The following CIDEC variants were observed in gnomAD, a reference collection of about 807,000 sequenced individuals.
The protein encoded by CIDEC is lipid transferase CIDEC.
CIDEC carries 11 observed loss-of-function variants against 21.9 expected under a neutral mutation model. The observed-to-expected ratio is 0.50, with a 90% confidence interval of 0.32 to 0.83. The LOEUF is 0.83. Ranked by LOEUF, CIDEC falls within the 40% of genes least tolerant of loss-of-function variation. The probability of loss-of-function intolerance (pLI) is 0.04; values close to 1 mark genes in which losing one functional copy is unlikely to be tolerated. For synonymous variants in CIDEC, 127 were observed against 124.9 expected, an observed-to-expected ratio of 1.02 and a Z score of -0.11; for missense variants, 302 against 302.3, an observed-to-expected ratio of 1.00 and a Z score of 0.01.
intron 6 of CIDEC, 151 bp from the exon 7 acceptor site, chr3:9,867,447 C>T: frequency 1.3e-6 from 1 of 762,450 alleles, no homozygotes; most frequent in Non-Finnish European, 2.2e-6. Context: ...TGGCGAATCT[C>T]TGTCTCTACT....
At chr3:9,874,777 C>G (rs1476713415) in intron 4 of CIDEC, among the ~76,000 whole-genome samples, 1 of 152,218 alleles carries the variant, frequency 6.6e-6, no homozygotes, top group South Asian at 2.1e-4. Context: ...GTCACACAGG[C>G]TGCAGTGCAG....
At chr3:9,873,064 TGTTTGTTTTG>T (rs955972205) in intron 4 of CIDEC, among the ~76,000 whole-genome samples, 19 of 151,974 alleles carry the variant, frequency 1.3e-4, no homozygotes, top group South Asian at 4.1e-4. Flanking sequence ...GTTTTGGTTT[TGTTTGTTTTG>T]GTTTGTTTTG....
At chr3:9,869,401 C>T (rs1232516905) in intron 6 of CIDEC, among the ~76,000 whole-genome samples, 3 of 152,014 alleles carry the variant, frequency 2.0e-5, no homozygotes, top group African/African-American at 4.8e-5. Context: ...CAGGCATGCA[C>T]CACGATGTCC....
chr3:9,868,716 A>G (rs2082306023), intron 6 of CIDEC, among the ~76,000 whole-genome samples: 1 of 152,254 alleles, frequency 6.6e-6, no homozygotes. Context: ...ACTCTGGTCC[A>G]TAAGACTTGC....
intron 2 of CIDEC, 158 bp from the exon 3 acceptor site, chr3:9,878,669 G>T: frequency 1.5e-6 from 2 of 1,351,470 alleles, no homozygotes; most frequent in African/African-American, 1.4e-5. Context: ...CTCCTGTCCG[G>T]CCCCATGCAT....
chr3:9,877,050 G>A lies in CIDEC; in HGVS notation c.207+16C>T, dbSNP rs758723139. ...CCAGCTCACAGCTGGGCTGTGCAACGCGCAGGTGCTCTCACCTTGAGGAGG... is the reference window on the plus strand; with the variant it reads ...CCAGCTCACAGCTGGGCTGTGCAACACGCAGGTGCTCTCACCTTGAGGAGG... On this transcript the variant is annotated intron_variant, in intron 4 of 6. Transcript: ENST00000336832. The A allele has an allele frequency of 1.5e-5, 23 of 1,548,134 alleles. No homozygotes were observed. The highest frequency in any genetic ancestry group is 1.7e-5 in the Non-Finnish European group (20 of 1,143,594).
intron 3 of CIDEC, chr3:9,878,085 T>G (rs2082452277): frequency 1.2e-5 from 3 of 246,880 alleles, no homozygotes; most frequent in African/African-American, 6.6e-5. Flanking sequence ...ATTTGCTGGG[T>G]GATTGAGAGC....
At chr3:9,869,843 T>G in intron 6 of CIDEC, 39 bp downstream of exon 6, 1 of 1,596,192 alleles carries the variant, frequency 6.3e-7, no homozygotes, top group Non-Finnish European at 8.6e-7. Context: ...TCCCATTGCC[T>G]GTACCCACCC....
intron 3 of CIDEC, chr3:9,877,834 G>A (rs1240872330): frequency 2.4e-5 from 4 of 165,910 alleles, no homozygotes; most frequent in Admixed American, 1.7e-4. Context: ...TGTTGATAAC[G>A]CTGGTTCTCA....
chr3:9,871,820 A>T (rs1426577077), intron 4 of CIDEC, among the ~76,000 whole-genome samples: 1 of 151,328 alleles, frequency 6.6e-6, no homozygotes, highest in Non-Finnish European at 1.5e-5. Context: ...AGTAGATACA[A>T]GGTTTCTCTA....
chr3:9,869,375 T>C (rs1013540252), intron 6 of CIDEC, among the ~76,000 whole-genome samples: 4 of 151,976 alleles, frequency 2.6e-5, no homozygotes, highest in African/African-American at 9.7e-5. Flanking sequence ...TTCAGCCTCC[T>C]GAGTAGTTGG....
chr3:9,867,418 G>T, intron 6 of CIDEC, 122 bp from the exon 7 acceptor site: 1 of 950,834 alleles, frequency 1.1e-6, no homozygotes, highest in Non-Finnish European at 1.6e-6. Context: ...TCAGGAGTTT[G>T]AGACTAGCAT....
At chr3:9,878,776 C>G (rs906030680) in intron 2 of CIDEC, 166 bp downstream of exon 2, 29 of 1,536,138 alleles carry the variant, frequency 1.9e-5, no homozygotes, top group Non-Finnish European at 2.4e-5. Context: ...CAGTCCCACT[C>G]ACTCCATGTT....
chr3:9,872,376 T>C (rs1230332669), intron 4 of CIDEC, among the ~76,000 whole-genome samples: 2 of 151,906 alleles, frequency 1.3e-5, no homozygotes, highest in Non-Finnish European at 2.9e-5. Context: ...GGTTTTGCCA[T>C]GTTACCCAGG....
At chr3:9,879,161 A>T (rs1020438557) in intron 1 of CIDEC, 107 bp from the exon 2 acceptor site, 6 of 145,468 alleles carry the variant, frequency 4.1e-5, no homozygotes, top group Admixed American at 7.0e-5. Context: ...CAGGAGCTGA[A>T]TTTTTTTTTT....
intron 4 of CIDEC, among the ~76,000 whole-genome samples, chr3:9,875,805 T>C (rs546327526): frequency 1.3e-5 from 2 of 152,362 alleles, no homozygotes; most frequent in Admixed American, 1.3e-4. Flanking sequence ...ATTTGTACTG[T>C]GTAACTTTTG....
chr3:9,878,824 C>G, intron 2 of CIDEC, 118 bp downstream of exon 2: 1 of 1,536,050 alleles, frequency 6.5e-7, no homozygotes, highest in African/African-American at 1.4e-5. Flanking sequence ...AGCAGATAAC[C>G]CAACTCAGGG....
rs200501707 is a variant in CIDEC, at chr3:9,870,221, C to G, written c.309G>C (p.Gly103=). 1 of 1,614,110 alleles carries G rather than the reference C, an allele frequency of 6.2e-7. No individual in the cohort carries two copies. The highest frequency in any genetic ancestry group is 1.1e-5 in the South Asian group (1 of 91,084). Residue 103 remains glycine (G), a synonymous_variant, in exon 5 of 7, where the codon GGG becomes GGC. Transcript: ENST00000336832. ...TCTGGAGGACCATGAACACTGTATC[C>G]CCTGCCAGGGCTTGGAAGTACTCTT... ...ETEEYFQALA[G]DTVFMVLQKG...
rs755409925 is a variant in CIDEC at position 9,878,518 on chromosome 3, A to G, written c.-25-7T>C. 1.2e-6 allele frequency: 2 copies of G among 1,612,452 alleles called. No individual in the cohort carries two copies. The highest frequency in any genetic ancestry group is 1.7e-6 in the Non-Finnish European group (2 of 1,178,600). Reference sequence around the variant, plus strand: ...CAGCTGGACTGCGTTGGACCTGGGAAGGAGGCAGAAACAATTCATCAGGGT... The same window carrying G: ...CAGCTGGACTGCGTTGGACCTGGGAGGGAGGCAGAAACAATTCATCAGGGT... On this transcript the variant is annotated splice_polypyrimidine_tract_variant and splice_region_variant and intron_variant, in intron 2 of 6. Coordinates refer to ENST00000336832, the MANE Select transcript of CIDEC (RefSeq NM_001321142.2).
Sources: gnomAD v4.1 joint callset for allele counts (sites outside exome capture counted in the v4.1 genomes callset) on GRCh38, gnomAD v4.1.1 for gene constraint, MANE v1.5 for transcripts, NCBI Gene and HGNC (gene_info 2026-07-23, HGNC 2026-07-21) for gene names.